Variants in FAM13B observed in about 807,000 individuals in gnomAD.
The protein encoded by FAM13B is protein FAM13B.
FAM13B carries 60 observed loss-of-function variants against 117.3 expected under a neutral mutation model. The ratio of observed to expected loss-of-function variants is 0.51; its 90% CI spans 0.42 to 0.63. FAM13B has a LOEUF of 0.63. Ranked by LOEUF, FAM13B falls within the 30% of genes least tolerant of loss-of-function variation. The probability of loss-of-function intolerance (pLI) is 0.00; values close to 1 mark genes in which losing one functional copy is unlikely to be tolerated. For missense variants in FAM13B, 972 were observed against 1,091.9 expected (o/e 0.89, Z 1.55); for synonymous variants, 332 against 356.1 (o/e 0.93, Z 0.76).
At chr5:138,036,233 G>A (rs142398292), upstream of FAM13B, 93 of 357,080 alleles carry the variant, frequency 2.6e-4, 1 homozygote, top group South Asian at 1.7e-3. Flanking sequence ...AAATTACAAC[G>A]ACTGCTTCCC....
intron 16 of FAM13B, 35 bp from the exon 17 acceptor site, chr5:137,952,744 T>C (rs767178664): frequency 3.6e-5 from 45 of 1,247,106 alleles, no homozygotes; most frequent in Non-Finnish European, 4.5e-5. Flanking sequence ...CTGACACTTG[T>C]GATAAGCAAT....
At chr5:137,950,921 T>C (rs1177802175) in intron 17 of FAM13B, among the ~76,000 whole-genome samples, 1 of 152,156 alleles carries the variant, frequency 6.6e-6, no homozygotes, top group African/African-American at 2.4e-5. Flanking sequence ...AGAGACATTA[T>C]CTTGGCCGGG....
chr5:137,958,021 A>G (rs1172645302), intron 13 of FAM13B, among the ~76,000 whole-genome samples: 1 of 152,270 alleles, frequency 6.6e-6, no homozygotes, highest in Non-Finnish European at 1.5e-5. Context: ...GCCAAAGATC[A>G]TAAAGAACTA....
intron 6 of FAM13B, among the ~76,000 whole-genome samples, chr5:138,008,498 C>A (rs28587093): frequency 0.17 from 25,836 of 152,050 alleles, 2,306 homozygotes; most frequent in African/African-American, 0.18. Context: ...GGCAGAAATA[C>A]CTATATTCAC....
At chr5:138,016,304 C>T (rs1193038672) in intron 4 of FAM13B, among the ~76,000 whole-genome samples, 2 of 152,140 alleles carry the variant, frequency 1.3e-5, no homozygotes, top group Non-Finnish European at 2.9e-5. Flanking sequence ...ATGATGCTGT[C>T]ATAATTTTAA....
At chr5:138,024,203 C>T (rs554605897) in intron 1 of FAM13B, among the ~76,000 whole-genome samples, 3 of 151,820 alleles carry the variant, frequency 2.0e-5, no homozygotes, top group Non-Finnish European at 2.9e-5. Flanking sequence ...AAGGTCTTTG[C>T]AGGTGTAATT....
At position 138,009,250 on chromosome 5, in the gene FAM13B, A is replaced by T. The variant is rs561247583; in HGVS notation, c.690+1758T>A. 6.2e-4 allele frequency among the ~76,000 whole-genome samples: 95 copies of T among 152,334 alleles called. 1 individual carries two copies. Among genetic ancestry groups the T allele is most frequent in the Non-Finnish European group, 5.3e-4 (36 of 68,026 alleles). On this transcript the variant is annotated intron_variant, in intron 6 of 23. Coordinates refer to ENST00000689681, the MANE Select transcript of FAM13B (RefSeq NM_001385994.1). ...CGTTGTGTTTATAAATGTCTTTCCT[A>T]GTCTATCCCACATCATGTATAATGC... is the stretch of plus-strand genomic sequence containing the variant.
At chr5:138,036,440 C>T (rs1791168926), upstream of FAM13B, 2 of 456,538 alleles carry the variant, frequency 4.4e-6, no homozygotes, top group African/African-American at 2.0e-5. Flanking sequence ...CCAAAACAGC[C>T]GCCAGCCTGT....
intron 10 of FAM13B, among the ~76,000 whole-genome samples, chr5:137,981,332 C>T (rs1039852692): frequency 2.6e-5 from 4 of 151,862 alleles, no homozygotes; most frequent in African/African-American, 9.7e-5. Flanking sequence ...CTTGTAATCC[C>T]AACACTTTAG....
intron 10 of FAM13B, among the ~76,000 whole-genome samples, chr5:137,975,485 G>A (rs994481408): frequency 6.6e-6 from 1 of 151,992 alleles, no homozygotes; most frequent in Non-Finnish European, 1.5e-5. Context: ...ACTTCAGTTA[G>A]ACCTCCATTG....
chr5:138,026,060 C>T (rs1788267361), intron 1 of FAM13B, among the ~76,000 whole-genome samples: 1 of 152,152 alleles, frequency 6.6e-6, no homozygotes, highest in Non-Finnish European at 1.5e-5. Flanking sequence ...TAGCAGACAG[C>T]ATTTGCTGAG....
chr5:137,943,070 T>G (rs761723425), intron 21 of FAM13B, 32 bp from the exon 22 acceptor site: 17 of 1,612,972 alleles, frequency 1.1e-5, no homozygotes, highest in Middle Eastern at 1.7e-4. Context: ...GAATCAAACA[T>G]GCCTTGTCTT....
chr5:138,019,683 T>G (rs1347174513), intron 2 of FAM13B, among the ~76,000 whole-genome samples: 1 of 3,750 alleles, frequency 2.7e-4, no homozygotes, highest in Non-Finnish European at 1.5e-3. Flanking sequence ...CTGTAATAAA[T>G]TTTTTTTTTT....
chr5:137,971,857 T>C (rs1430457030), intron 10 of FAM13B, among the ~76,000 whole-genome samples: 5 of 152,034 alleles, frequency 3.3e-5, no homozygotes, highest in Non-Finnish European at 7.4e-5. Flanking sequence ...AACTAGAAAA[T>C]CTAGAAGAAA....
At chr5:138,035,756 C>T (rs1430610167), upstream of FAM13B, among the ~76,000 whole-genome samples, 7 of 152,264 alleles carry the variant, frequency 4.6e-5, no homozygotes, top group African/African-American at 7.2e-5. Context: ...TTTCTCCTCC[C>T]GGCTTAACTA....
At chr5:138,001,922 G>A (rs747916092) in intron 7 of FAM13B, among the ~76,000 whole-genome samples, 3 of 152,110 alleles carry the variant, frequency 2.0e-5, no homozygotes, top group Admixed American at 6.5e-5. Context: ...GAGAGAGCAG[G>A]CAAGAGATAA....
In FAM13B at chr5:137,954,207, TG is replaced by T. The variant is rs752191437; in HGVS notation, c.1676del (p.Pro559GlnfsTer71). On this transcript the variant is annotated frameshift_variant, in exon 15 of 24. Transcript: ENST00000689681. LOFTEE classifies it high-confidence loss of function. ...CTTTAGATGAGGAATCCAACTTTTC[TG>T]GATCATGTAGGAAACGCTGGCTTTG... ...FGQSQRFLHD[P>X]EKLDSSSKAL... is the part of the protein sequence containing the mutation. 1.2e-6 allele frequency: 2 copies of T among 1,614,140 alleles called. No homozygotes were observed. Among genetic ancestry groups the T allele is most frequent in the Non-Finnish European group, 8.5e-7 (1 of 1,180,020 alleles).
At chr5:138,014,463 G>A (rs1357656741) in intron 4 of FAM13B, among the ~76,000 whole-genome samples, 1 of 152,172 alleles carries the variant, frequency 6.6e-6, no homozygotes, top group Non-Finnish European at 1.5e-5. Flanking sequence ...TTCTTTATGA[G>A]AATCTGATGC....
intron 10 of FAM13B, among the ~76,000 whole-genome samples, chr5:137,976,585 A>G (rs1434620026): frequency 6.6e-6 from 1 of 152,206 alleles, no homozygotes; most frequent in Admixed American, 6.5e-5. Flanking sequence ...GGACCAGCTG[A>G]AGCCATGGCA....
Sources: gnomAD v4.1 joint callset for allele counts (sites outside exome capture counted in the v4.1 genomes callset) on GRCh38, gnomAD v4.1.1 for gene constraint, MANE v1.5 for transcripts, NCBI Gene and HGNC (gene_info 2026-07-23, HGNC 2026-07-21) for gene names.